The following SLF2 variants were observed in gnomAD, a reference collection of about 807,000 sequenced individuals.
The protein encoded by SLF2 is SMC5-SMC6 complex localization factor protein 2.
In SLF2, 68 loss-of-function variants were observed where a neutral mutation model predicts 124.3. That is an observed-to-expected ratio of 0.55 (90% CI 0.45 to 0.67). The LOEUF (loss-of-function observed/expected upper bound fraction) is 0.67, where lower values mean the gene tolerates loss of function less well. Among genes scored for constraint, SLF2 ranks in the 30% least tolerant of loss-of-function variants. The pLI, the probability that SLF2 is intolerant of heterozygous loss-of-function variation, is 0.00. For missense variants in SLF2, 1,246 were observed against 1,373.7 expected, an observed-to-expected ratio of 0.91 and a Z score of 1.47; for synonymous variants, 480 against 478.8, an observed-to-expected ratio of 1.00 and a Z score of -0.03.
chr10:100,939,359 C>T (rs1410383129), intron 11 of SLF2, among the ~76,000 whole-genome samples: 2 of 151,468 alleles, frequency 1.3e-5, no homozygotes, highest in Non-Finnish European at 2.9e-5. Context: ...GCCTGGGTGA[C>T]AGAGTGAGAC....
intron 18 of SLF2, among the ~76,000 whole-genome samples, chr10:100,958,798 T>C (rs1052984424): frequency 6.6e-6 from 1 of 152,218 alleles, no homozygotes; most frequent in African/African-American, 2.4e-5. Context: ...TTATGTTCAA[T>C]AGCTAATTGA....
chr10:100,934,174 T>C lies in SLF2; in HGVS notation c.2436+3096T>C, dbSNP rs1849799834. 3.9e-5 allele frequency among the ~76,000 whole-genome samples: 6 copies of C among 152,374 alleles called. No homozygotes were observed. In the South Asian group the frequency reaches 1.2e-3, roughly 32 times the overall value. On this transcript the variant is annotated intron_variant, in intron 9 of 19. Coordinates refer to ENST00000238961, the MANE Select transcript of SLF2 (RefSeq NM_018121.4). ...AACATAAACAGAACATGTGAATGTGTCTTATAACTTGTTTATTTCAGATAG... is the reference window on the plus strand; with the variant it reads ...AACATAAACAGAACATGTGAATGTGCCTTATAACTTGTTTATTTCAGATAG...
intron 6 of SLF2, 46 bp downstream of exon 6, chr10:100,926,065 G>A: frequency 6.2e-7 from 1 of 1,614,016 alleles, no homozygotes; most frequent in East Asian, 2.2e-5. Flanking sequence ...CATTTTGCTT[G>A]TTTGTGTGGC....
Position 100,912,997 on chromosome 10 carries a change from G to A in SLF2, c.-114G>A. On this transcript the variant is annotated 5_prime_UTR_variant, in exon 1 of 20. Transcript: ENST00000238961. ...GAGAGAACCGCCATGAAGAGAGAAG[G>A]GGGTGCCGCCCACCTCTGCTCCGAC... The A allele has an allele frequency of 8.6e-7, 1 of 1,159,264 alleles. No homozygotes were observed. The highest frequency in any genetic ancestry group is 1.2e-6 in the Non-Finnish European group (1 of 819,970). The allele number at this position is 1,159,264 out of a possible 1,614,324, so 71.8% of individuals were successfully genotyped here.
At chr10:100,950,446 T>C (rs1022358589) in intron 16 of SLF2, among the ~76,000 whole-genome samples, 1 of 152,240 alleles carries the variant, frequency 6.6e-6, no homozygotes, top group African/African-American at 2.4e-5. Flanking sequence ...AGAGTATTTT[T>C]TGTAGCCCTT....
At chr10:100,933,798 C>G (rs898312754) in intron 9 of SLF2, among the ~76,000 whole-genome samples, 3 of 152,154 alleles carry the variant, frequency 2.0e-5, no homozygotes, top group African/African-American at 7.2e-5. Flanking sequence ...TCCTGCTCAG[C>G]CTCTCAAGTA....
chr10:100,953,658 T>C (rs531728680), intron 17 of SLF2, among the ~76,000 whole-genome samples: 2 of 151,342 alleles, frequency 1.3e-5, no homozygotes, highest in Non-Finnish European at 2.9e-5. Context: ...TAAAAAAAAA[T>C]TTTTTTTTCT....
intron 17 of SLF2, among the ~76,000 whole-genome samples, chr10:100,951,370 C>T (rs960345553): frequency 3.5e-4 from 53 of 152,202 alleles, no homozygotes; most frequent in African/African-American, 1.3e-3. Flanking sequence ...ACCAAATGGG[C>T]TGGTGTTGTG....
intron 11 of SLF2, chr10:100,943,817 T>G (rs1363469122): frequency 4.0e-5 from 17 of 425,212 alleles, no homozygotes; most frequent in East Asian, 2.9e-4. Flanking sequence ...AAGAGACTTT[T>G]GAGGGGAATG....
intron 11 of SLF2, among the ~76,000 whole-genome samples, chr10:100,940,247 G>T (rs192044337): frequency 1.1e-3 from 175 of 152,294 alleles, no homozygotes; most frequent in Non-Finnish European, 2.2e-3. Context: ...CACTATTGTT[G>T]TATACTGGTG....
chr10:100,922,301 C>T (rs1346712071), intron 4 of SLF2, among the ~76,000 whole-genome samples: 1 of 152,162 alleles, frequency 6.6e-6, no homozygotes, highest in African/African-American at 2.4e-5. Flanking sequence ...GTCTCAAACT[C>T]CTGAGCCCAA....
rs924437862 is a variant in SLF2, at chr10:100,956,546, GTTCTTTCTTTTT to G, written c.3417+16_3417+27del. The G allele has an allele frequency of 9.6e-6, 15 of 1,556,176 alleles. No individual in the cohort carries two copies. Among genetic ancestry groups the G allele is most frequent in the African/African-American group, 1.4e-5 (1 of 71,436 alleles). ...TTTTTTACAGAACTAAGGTAAGTGTGTTCTTTCTTTTTTTCTTTTTTTTTTTCTTAATCTTGG... is the reference window on the plus strand; with the variant it reads ...TTTTTTACAGAACTAAGGTAAGTGTGTTCTTTTTTTTTTTCTTAATCTTGG... On this transcript the variant is annotated intron_variant, in intron 18 of 19. Transcript: ENST00000238961.
chr10:100,953,713 C>T (rs1850268617), intron 17 of SLF2, among the ~76,000 whole-genome samples: 1 of 151,986 alleles, frequency 6.6e-6, no homozygotes, highest in Non-Finnish European at 1.5e-5. Flanking sequence ...AGTGCAGTGG[C>T]ACGATCTCAG....
chr10:100,928,377 C>T (rs752233927), intron 6 of SLF2, among the ~76,000 whole-genome samples: 1 of 152,064 alleles, frequency 6.6e-6, no homozygotes, highest in Non-Finnish European at 1.5e-5. Flanking sequence ...AATTAGAGAA[C>T]TTGTCTGTAT....
rs1850118247 is a variant in SLF2, at chr10:100,947,054, C to G, written c.2950C>G (p.Leu984Val). The change falls in exon 14 of 20, where the codon CTG (leucine) becomes GTG (valine). Residue 984 changes from leucine to valine, a missense_variant. Around this residue, in one of 3 missense-constraint regions of SLF2, gnomAD observed 535 missense variants for 632.8 expected, o/e 0.85. Coordinates refer to ENST00000238961, the MANE Select transcript of SLF2 (RefSeq NM_018121.4). ...TTTTTTTCAGGTGCCTGAACTCTGT[C>G]TGGGCATAAATGAACTCTCCAGTCA... ...DWNTKVPELC[L>V]GINELSSHPH... 6.2e-7 allele frequency: 1 copy of G among 1,613,386 alleles called. No individual in the cohort carries two copies. The highest frequency in any genetic ancestry group is 1.1e-5 in the South Asian group (1 of 91,030).
intron 6 of SLF2, chr10:100,926,224 A>T (rs1417631211): frequency 6.5e-6 from 10 of 1,541,272 alleles, no homozygotes; most frequent in Non-Finnish European, 8.7e-6. Flanking sequence ...AGGCAAGATT[A>T]CTTGAGCCCA....
chr10:100,924,199 A>G lies in SLF2; in HGVS notation c.1198A>G (p.Thr400Ala). The change falls in exon 5 of 20, where the codon ACT becomes GCT. Residue 400 changes from threonine to alanine, a missense_variant. Transcript: ENST00000238961. ...EDISKEPSDE[T>A]DGSSAGLAPS... ...TATATCCAAGGAACCGAGTGATGAA[A>G]CTGATGGCTCTTCTGCAGGCTTGGC... 1.2e-6 allele frequency: 2 copies of G among 1,614,134 alleles called. No individual in the cohort carries two copies. Among genetic ancestry groups the G allele is most frequent in the Non-Finnish European group, 1.7e-6 (2 of 1,180,046 alleles).
At position 100,947,769 on chromosome 10, in the gene SLF2, A is replaced by G. The variant is rs12780429; in HGVS notation, c.3042A>G (p.Arg1014=). ...TAACTTCTAATTCTAGGCAACTGAG[A>G]CAGTGCCTCAGTCTAGTGATTATTT... ...PNWTSRGRQL[R]QCLSLVIISK... The change falls in exon 15 of 20, where the codon AGA becomes AGG. Residue 1014 remains arginine, a synonymous_variant. Transcript: ENST00000238961. 79,286 of 1,605,004 alleles carry G rather than the reference A, an allele frequency of 0.049. 2,367 individuals are homozygous for G. Among genetic ancestry groups the G allele is most frequent in the Non-Finnish European group, 0.059 (69,565 of 1,173,510 alleles).
At chr10:100,935,998 A>G (rs1849847344) in intron 9 of SLF2, among the ~76,000 whole-genome samples, 1 of 150,964 alleles carries the variant, frequency 6.6e-6, no homozygotes, top group Admixed American at 6.6e-5. Flanking sequence ...AGCTGGGACT[A>G]TAGGCATGCC....
Sources: gnomAD v4.1 joint callset for allele counts (sites outside exome capture counted in the v4.1 genomes callset) on GRCh38, gnomAD v4.1.1 for gene constraint, gnomAD v4.1.1 regional missense constraint, MANE v1.5 for transcripts, NCBI Gene and HGNC (gene_info 2026-07-23, HGNC 2026-07-21) for gene names.